The following KCNH1 variants were observed in gnomAD, a reference collection of about 807,000 sequenced individuals.
KCNH1 encodes the protein potassium voltage-gated channel subfamily H member 1.
A neutral mutation model predicts 69.2 loss-of-function variants in KCNH1; 27 were observed. The ratio of observed to expected loss-of-function variants is 0.39; its 90% CI spans 0.29 to 0.54. The LOEUF is 0.54. KCNH1 is among the 20% of genes least tolerant of loss of function. KCNH1 has a pLI of 0.68. For missense variants in KCNH1, 798 were observed against 1,261.6 expected, an observed-to-expected ratio of 0.63 and a Z score of 5.57; for synonymous variants, 456 against 487.7, an observed-to-expected ratio of 0.93 and a Z score of 0.86.
chr1:210,926,670 C>T (rs1250297816), intron 6 of KCNH1, among the ~76,000 whole-genome samples: 2 of 152,020 alleles, frequency 1.3e-5, no homozygotes, highest in Admixed American at 1.3e-4. Flanking sequence ...TTAACCCCCG[C>T]AAAAGATCAT....
At chr1:211,019,458 TTTGGC>T (rs1558570247) in intron 5 of KCNH1, among the ~76,000 whole-genome samples, 1 of 152,242 alleles carries the variant, frequency 6.6e-6, no homozygotes, top group Non-Finnish European at 1.5e-5. Context: ...CAAATTACTA[TTTGGC>T]TGTGAGCCAA....
chr1:210,899,719 A>G (rs1481213088), intron 7 of KCNH1, among the ~76,000 whole-genome samples: 1 of 152,206 alleles, frequency 6.6e-6, no homozygotes, highest in Non-Finnish European at 1.5e-5. Flanking sequence ...TTGTGACTTC[A>G]TGTGATCTTC....
At chr1:210,697,429 G>T (rs573991615) in intron 10 of KCNH1, among the ~76,000 whole-genome samples, 1 of 152,316 alleles carries the variant, frequency 6.6e-6, no homozygotes, top group African/African-American at 2.4e-5. Context: ...CAGGCCTGGG[G>T]GTTGAGAGTT....
chr1:210,997,442 C>A lies in KCNH1; in HGVS notation c.1032+21341G>T, dbSNP rs190891763. On this transcript the variant is annotated intron_variant, in intron 6 of 10. Transcript: ENST00000271751. ...GGAAGATGAAATGAATGAAACGAAG[C>A]GAGAAGGTAAGTTTAGAGAAAAAAG... Among the ~76,000 whole-genome samples the A allele has an allele frequency of 2.6e-5, 4 of 151,946 alleles. No individual in the cohort carries two copies. In the East Asian group the frequency reaches 5.8e-4, roughly 22 times the overall value.
chr1:210,775,082 G>A (rs1187743713), intron 10 of KCNH1, among the ~76,000 whole-genome samples: 1 of 151,884 alleles, frequency 6.6e-6, no homozygotes, highest in Non-Finnish European at 1.5e-5. Flanking sequence ...GATATTGATG[G>A]GGGAAAAAAA....
intron 5 of KCNH1, among the ~76,000 whole-genome samples, chr1:211,031,829 C>T (rs1689790938): frequency 6.6e-6 from 1 of 152,108 alleles, no homozygotes. Context: ...AAACTGAAAG[C>T]ATTCCCTTTG....
chr1:210,706,333 T>A (rs1461314497), intron 10 of KCNH1, among the ~76,000 whole-genome samples: 1 of 152,218 alleles, frequency 6.6e-6, no homozygotes, highest in Non-Finnish European at 1.5e-5. Flanking sequence ...GAGTCCCCAG[T>A]CATTGATATG....
rs138457892 is a variant in KCNH1, at chr1:210,713,651, C to T, written c.2113-29513G>A. 5.9e-5 allele frequency among the ~76,000 whole-genome samples: 9 copies of T among 152,214 alleles called. No individual in the cohort carries two copies. The South Asian group carries it at 8.3e-4, about 14-fold the overall frequency. ...GGGGGAAGAACATCCCATCCGTCTG[C>T]GATTTTTTCTTCCCTCAACCTGCAA... On this transcript the variant is annotated intron_variant, in intron 10 of 10. Coordinates refer to ENST00000271751, the MANE Select transcript of KCNH1 (RefSeq NM_172362.3).
chr1:210,688,535 A>G (rs1681456463), intron 10 of KCNH1, among the ~76,000 whole-genome samples: 1 of 152,236 alleles, frequency 6.6e-6, no homozygotes, highest in Non-Finnish European at 1.5e-5. Flanking sequence ...AAGAGATCAC[A>G]GGTAACTTCT....
At chr1:210,862,220 TG>T (rs1685994614) in intron 7 of KCNH1, 1 of 1,177,828 alleles carries the variant, frequency 8.5e-7, no homozygotes. Flanking sequence ...TGGCGCTCCA[TG>T]GCCTCTTGCA....
chr1:211,038,028 C>T (rs1313240656), intron 5 of KCNH1, among the ~76,000 whole-genome samples: 4 of 143,330 alleles, frequency 2.8e-5, no homozygotes, highest in African/African-American at 5.3e-5. Context: ...GGCGTGATCT[C>T]GGCTCACTGC....
chr1:211,017,923 G>A (rs1345329961), intron 6 of KCNH1, among the ~76,000 whole-genome samples: 1 of 152,110 alleles, frequency 6.6e-6, no homozygotes, highest in Non-Finnish European at 1.5e-5. Flanking sequence ...TGGGTCATGG[G>A]GGGTGGATCC....
chr1:210,707,760 A>T (rs1331491633), intron 10 of KCNH1, among the ~76,000 whole-genome samples: 1 of 152,168 alleles, frequency 6.6e-6, no homozygotes, highest in South Asian at 2.1e-4. Context: ...CAGCCAGGCC[A>T]TTCCCTCCTC....
chr1:210,927,660 A>G (rs1246561384), intron 6 of KCNH1, among the ~76,000 whole-genome samples: 2 of 152,154 alleles, frequency 1.3e-5, no homozygotes, highest in African/African-American at 4.8e-5. Context: ...AATGAAAAAA[A>G]AGATATTCAG....
At chr1:211,058,239 G>A (rs1453773428) in intron 5 of KCNH1, among the ~76,000 whole-genome samples, 2 of 152,072 alleles carry the variant, frequency 1.3e-5, no homozygotes, top group African/African-American at 2.4e-5. Flanking sequence ...TGAAAGAAAA[G>A]GATATTAATG....
intron 7 of KCNH1, among the ~76,000 whole-genome samples, chr1:210,883,041 C>T (rs1278965862): frequency 6.6e-6 from 1 of 152,108 alleles, no homozygotes; most frequent in Non-Finnish European, 1.5e-5. Context: ...ATGAATAAAT[C>T]CTACCCTAAC....
chr1:210,816,164 A>C (rs917089904), intron 7 of KCNH1, among the ~76,000 whole-genome samples: 21 of 152,190 alleles, frequency 1.4e-4, no homozygotes, highest in Admixed American at 1.4e-3. Flanking sequence ...GAAACAGAGA[A>C]TATAAAACAG....
intron 7 of KCNH1, among the ~76,000 whole-genome samples, chr1:210,853,444 A>T (rs1451282014): frequency 6.6e-6 from 1 of 152,176 alleles, no homozygotes; most frequent in South Asian, 2.1e-4. Flanking sequence ...GGAGCTTGTC[A>T]TGAGAGGCCA....
intron 6 of KCNH1, among the ~76,000 whole-genome samples, chr1:210,990,326 G>T (rs1688914879): frequency 6.6e-6 from 1 of 152,214 alleles, no homozygotes; most frequent in South Asian, 2.1e-4. Flanking sequence ...TAGATCCATG[G>T]ATCCTTGGAG....
Sources: gnomAD v4.1 joint callset for allele counts (sites outside exome capture counted in the v4.1 genomes callset) on GRCh38, gnomAD v4.1.1 for gene constraint, MANE v1.5 for transcripts, NCBI Gene and HGNC (gene_info 2026-07-23, HGNC 2026-07-21) for gene names.